The following LAMA2 variants were observed in gnomAD, a reference collection of about 807,000 sequenced individuals.
LAMA2 encodes the protein laminin subunit alpha-2.
A neutral mutation model predicts 364.8 loss-of-function variants in LAMA2; 269 were observed. The observed-to-expected ratio is 0.74, with a 90% CI of 0.67 to 0.82. The LOEUF (loss-of-function observed/expected upper bound fraction) is 0.82. Among genes scored for constraint, LAMA2 ranks in the 40% least tolerant of loss-of-function variants. The pLI is 0.00. For missense variants in LAMA2, 3,807 were observed against 3,873.2 expected, an observed-to-expected ratio of 0.98 and a Z score of 0.45; for synonymous variants, 1,379 against 1,370.6, an observed-to-expected ratio of 1.01 and a Z score of -0.14.
chr6:129,219,108 C>T (rs1179804042), intron 12 of LAMA2, among the ~76,000 whole-genome samples: 1 of 152,136 alleles, frequency 6.6e-6, no homozygotes, highest in African/African-American at 2.4e-5. Context: ...AAATAGCAGT[C>T]TCCAAGAACC....
At chr6:129,292,043 C>T (rs1789735343) in intron 20 of LAMA2, among the ~76,000 whole-genome samples, 1 of 152,084 alleles carries the variant, frequency 6.6e-6, no homozygotes, top group Non-Finnish European at 1.5e-5. Context: ...ACATTTTTGG[C>T]AGAATAAAAT....
At chr6:129,037,765 G>A (rs1437987475) in intron 1 of LAMA2, among the ~76,000 whole-genome samples, 1 of 151,472 alleles carries the variant, frequency 6.6e-6, no homozygotes, top group Non-Finnish European at 1.5e-5. Flanking sequence ...CGCCTCCCAG[G>A]TTCACGCCAT....
In LAMA2 at chr6:129,440,995, A is replaced by G. The variant is rs776874173; in HGVS notation, c.6265A>G (p.Asn2089Asp). 6.2e-7 allele frequency: 1 copy of G among 1,612,018 alleles called. No individual in the cohort carries two copies. The highest frequency in any genetic ancestry group is 1.7e-5 in the Admixed American group (1 of 59,974). ...TNAVVKDPSKNKIIADADATV... is the reference protein window; with the variant it reads ...TNAVVKDPSKDKIIADADATV... ...TGCTGTGGTTAAAGATCCTTCCAAG[A>G]ACAGTAAGATCTCCTTTTTCATTGT... Residue 2089 changes from asparagine (N) to aspartate (D), a missense_variant, in exon 43 of 65, where the codon AAC becomes GAC. Physicochemically the swap from Asn to Asp is conservative, Grantham distance 23 (BLOSUM62 1). Around this residue, in one of 3 missense-constraint regions of LAMA2, gnomAD observed 3,333 missense variants for 3,345.7 expected, o/e 1.00. Coordinates refer to ENST00000421865, the MANE Select transcript of LAMA2 (RefSeq NM_000426.4).
intron 15 of LAMA2, among the ~76,000 whole-genome samples, chr6:129,261,360 C>G (rs1217032280): frequency 1.3e-5 from 2 of 152,048 alleles, no homozygotes; most frequent in East Asian, 3.9e-4. Flanking sequence ...TTGTTTAGCA[C>G]CTAATGTTTG....
At position 129,393,219 on chromosome 6, in the gene LAMA2, A is replaced by G. The variant is rs751359270; in HGVS notation, c.5409A>G (p.Leu1803=). 1.9e-6 allele frequency: 3 copies of G among 1,613,950 alleles called. No individual in the cohort carries two copies. Among genetic ancestry groups the G allele is most frequent in the African/African-American group, 1.3e-5 (1 of 74,926 alleles). ...ATAAAATCAGAGAAGCTAATCGCCT[A>G]TTTGCAGTAAATCAGAAAAACATGA... is the stretch of plus-strand genomic sequence containing the variant. ...ATDKIREANR[L]FAVNQKNMTA... is the part of the protein sequence containing the mutation. The change falls in exon 37 of 65, where the codon CTA becomes CTG. Residue 1803 remains leucine (L), a synonymous_variant. Transcript: ENST00000421865.
At chr6:129,287,825 C>T (rs1789384162) in intron 18 of LAMA2, 22 bp from the exon 19 acceptor site, 1 of 1,599,110 alleles carries the variant, frequency 6.3e-7, no homozygotes, top group Non-Finnish European at 8.6e-7. Context: ...CAAAGGCTCA[C>T]TGATGAAATT....
chr6:129,212,034 A>AT (rs1783132380), intron 12 of LAMA2, among the ~76,000 whole-genome samples: 1 of 152,234 alleles, frequency 6.6e-6, no homozygotes, highest in African/African-American at 2.4e-5. Flanking sequence ...ATTTTAAAAA[A>AT]TTTGAAACTT....
intron 1 of LAMA2, among the ~76,000 whole-genome samples, chr6:128,995,690 G>C (rs992328104): frequency 6.6e-6 from 1 of 152,010 alleles, no homozygotes; most frequent in African/African-American, 2.4e-5. Flanking sequence ...AGTGTCTGTT[G>C]TTCCCACTTT....
At chr6:129,106,881 T>A (rs1291087416) in intron 4 of LAMA2, among the ~76,000 whole-genome samples, 13 of 147,760 alleles carry the variant, frequency 8.8e-5, no homozygotes, top group African/African-American at 3.3e-4. Flanking sequence ...AAAAAATATA[T>A]ATATATATAC....
chr6:129,384,961 C>A (rs1778897114), intron 35 of LAMA2, among the ~76,000 whole-genome samples: 1 of 139,004 alleles, frequency 7.2e-6, no homozygotes, highest in Non-Finnish European at 1.5e-5. Flanking sequence ...AATGAAAGGT[C>A]AAATTTAAAT....
chr6:129,508,397 G>C (rs538999695), intron 62 of LAMA2, among the ~76,000 whole-genome samples: 12 of 147,050 alleles, frequency 8.2e-5, no homozygotes, highest in Non-Finnish European at 1.6e-4. Context: ...TACTCTTTTA[G>C]TTATTTTTAA....
chr6:129,312,919 A>C lies in LAMA2; in HGVS notation c.3233A>C (p.Gln1078Pro), dbSNP rs1774319409. 6.2e-7 allele frequency: 1 copy of C among 1,614,202 alleles called. No individual in the cohort carries two copies. Among genetic ancestry groups the C allele is most frequent in the East Asian group, 2.2e-5 (1 of 44,884 alleles). Residue 1078 changes from glutamine to proline, a missense_variant, in exon 23 of 65, where the codon CAA becomes CCA. Around this residue, in one of 3 missense-constraint regions of LAMA2, gnomAD observed 3,333 missense variants for 3,345.7 expected, o/e 1.00. Coordinates refer to ENST00000421865, the MANE Select transcript of LAMA2 (RefSeq NM_000426.4). ...TTCCAATGCAATGTAAATACAGGCC[A>C]ATGCAACTGTCATCCAAAATTCTCT... ...LDFQCNVNTGQCNCHPKFSGA... is the reference protein window; with the variant it reads ...LDFQCNVNTGPCNCHPKFSGA...
intron 12 of LAMA2, among the ~76,000 whole-genome samples, chr6:129,207,075 C>T (rs547422381): frequency 5.9e-5 from 9 of 152,308 alleles, no homozygotes; most frequent in African/African-American, 2.2e-4. Flanking sequence ...AACTTCAGAT[C>T]GACAGCAGTG....
chr6:129,044,995 G>T (rs930483069), intron 1 of LAMA2, among the ~76,000 whole-genome samples: 1 of 152,148 alleles, frequency 6.6e-6, no homozygotes, highest in East Asian at 1.9e-4. Context: ...AAAATGGGTT[G>T]CAATCTATAA....
chr6:129,397,961 AAATTAT>A (rs1227382031), intron 37 of LAMA2, among the ~76,000 whole-genome samples: 65 of 140,848 alleles, frequency 4.6e-4, no homozygotes, highest in Admixed American at 8.5e-4. Context: ...AAAAAAAAAA[AAATTAT>A]TTAACCTCTT....
At chr6:129,462,792 T>C (rs1312259049) in intron 49 of LAMA2, among the ~76,000 whole-genome samples, 1 of 151,962 alleles carries the variant, frequency 6.6e-6, no homozygotes, top group East Asian at 1.9e-4. Flanking sequence ...AAAACACTTA[T>C]CACATTTGAA....
Position 129,315,601 on chromosome 6 carries a change from T to A in LAMA2, c.3681T>A (p.Asp1227Glu). 1 of 1,614,102 alleles carries A rather than the reference T, an allele frequency of 6.2e-7. No homozygotes were observed. The highest frequency in any genetic ancestry group is 8.5e-7 in the Non-Finnish European group (1 of 1,179,996). ...CCCACATGGACCTGATGAGAGAAGA[T>A]CTCCATTTGGAACCTTTTTATTGGA... ...IVAHMDLMRE[D>E]LHLEPFYWKL... Residue 1227 changes from aspartate (D) to glutamate (E), a missense_variant, in exon 25 of 65, where the codon GAT (aspartate) becomes GAA (glutamate). Coordinates refer to ENST00000421865, the MANE Select transcript of LAMA2 (RefSeq NM_000426.4).
At chr6:129,208,535 GAGAA>G (rs1040683221) in intron 12 of LAMA2, among the ~76,000 whole-genome samples, 9 of 133,556 alleles carry the variant, frequency 6.7e-5, no homozygotes, top group Admixed American at 3.7e-4. Context: ...GAAAGAAAGA[GAGAA>G]AGAAAAGGAA....
chr6:129,119,688 C>T (rs1161518746), intron 4 of LAMA2, among the ~76,000 whole-genome samples: 1 of 152,142 alleles, frequency 6.6e-6, no homozygotes, highest in Non-Finnish European at 1.5e-5. Flanking sequence ...GCTGGAACTA[C>T]AGGCGCCCGC....
Sources: allele counts gnomAD v4.1 joint callset (sites outside exome capture counted in the v4.1 genomes callset), GRCh38; gene constraint gnomAD v4.1.1; regional missense constraint gnomAD v4.1.1; transcripts MANE v1.5; gene names NCBI Gene and HGNC (gene_info 2026-07-23, HGNC 2026-07-21).